CALN1: variants seen among roughly 807,000 people sequenced by gnomAD.
CALN1 encodes the protein calneuron 1.
In CALN1, 17 loss-of-function variants were observed where a neutral mutation model predicts 30.6. That is an observed-to-expected ratio of 0.56 (90% CI 0.38 to 0.83). The LOEUF is 0.83. CALN1 is among the 40% of genes least tolerant of loss of function. The pLI, the probability that CALN1 is intolerant of heterozygous loss-of-function variation, is 0.00. For missense variants in CALN1, 291 were observed against 354.9 expected (o/e 0.82, Z 1.45); for synonymous variants, 156 against 131.4 (o/e 1.19, Z -1.28).
chr7:71,817,951 A>G (rs745949866), intron 5 of CALN1, among the ~76,000 whole-genome samples: 12 of 152,000 alleles, frequency 7.9e-5, no homozygotes, highest in Non-Finnish European at 8.8e-5. Context: ...CTTGTTCTCC[A>G]TAAATTATTC....
At chr7:72,022,283 T>G (rs1800749284) in intron 5 of CALN1, among the ~76,000 whole-genome samples, 1 of 152,146 alleles carries the variant, frequency 6.6e-6, no homozygotes, top group Non-Finnish European at 1.5e-5. Context: ...CAGAGTGAGC[T>G]ACAACTCTGA....
At chr7:72,021,290 A>G (rs976084239) in intron 5 of CALN1, among the ~76,000 whole-genome samples, 14 of 151,954 alleles carry the variant, frequency 9.2e-5, no homozygotes, top group Admixed American at 3.9e-4. Flanking sequence ...TACACAAAAA[A>G]CAAGCAAAAA....
chr7:72,312,878 A>G (rs1472815917), intron 2 of CALN1, among the ~76,000 whole-genome samples: 3 of 151,774 alleles, frequency 2.0e-5, no homozygotes, highest in South Asian at 2.1e-4. Flanking sequence ...TCTGTCGCCC[A>G]GACTGGAGTA....
chr7:72,348,117 T>C (rs900659620), intron 2 of CALN1, among the ~76,000 whole-genome samples: 1 of 152,068 alleles, frequency 6.6e-6, no homozygotes, highest in Non-Finnish European at 1.5e-5. Flanking sequence ...CGAGATTCTG[T>C]CTCAAAGAAA....
At chr7:72,394,259 A>G (rs1443689469) in intron 2 of CALN1, among the ~76,000 whole-genome samples, 1 of 152,162 alleles carries the variant, frequency 6.6e-6, no homozygotes, top group East Asian at 1.9e-4. Flanking sequence ...CTCGTCCTCA[A>G]AAGCCCTTCC....
At chr7:72,336,553 G>C (rs1802053027) in intron 2 of CALN1, among the ~76,000 whole-genome samples, 1 of 152,150 alleles carries the variant, frequency 6.6e-6, no homozygotes, top group South Asian at 2.1e-4. Context: ...ACAGGTACGG[G>C]AGGCGCTGTC....
In CALN1 at chr7:71,799,344, C is replaced by A. The variant is rs115043279; in HGVS notation, c.658+10992G>T. On this transcript the variant is annotated intron_variant, in intron 6 of 6. Coordinates refer to ENST00000395275, the MANE Select transcript of CALN1 (RefSeq NM_031468.4). ...TGCTGGGGAAGGATTTTAAGCCAGG[C>A]TCGTCCTGGGTGCAGAGCTGGAGCT... Among the ~76,000 whole-genome samples, 912 of 152,250 alleles carry A rather than the reference C, an allele frequency of 6.0e-3. 9 individuals are homozygous for A. Among genetic ancestry groups the A allele is most frequent in the African/African-American group, 0.021 (869 of 41,528 alleles).
At chr7:72,484,270 A>AT in the CALN1 span, among the ~76,000 whole-genome samples, 76,894 of 151,002 alleles carry the variant, frequency 0.51, 20,162 homozygotes, top group Non-Finnish European at 0.58. Context: ...AGTATTCTTG[A>AT]TTTTTTTTTC....
intron 5 of CALN1, among the ~76,000 whole-genome samples, chr7:71,914,280 C>T (rs1794577777): frequency 6.6e-6 from 1 of 152,174 alleles, no homozygotes; most frequent in Admixed American, 6.5e-5. Flanking sequence ...ATTTACCTCC[C>T]ACTTATAAGT....
At chr7:72,405,327 C>T (rs1201567287) in intron 1 of CALN1, among the ~76,000 whole-genome samples, 1 of 152,236 alleles carries the variant, frequency 6.6e-6, no homozygotes, top group Non-Finnish European at 1.5e-5. Flanking sequence ...GATGCGTGCT[C>T]ACAGACCAGC....
At chr7:72,383,657 A>G (rs1195421462) in intron 2 of CALN1, among the ~76,000 whole-genome samples, 1 of 152,132 alleles carries the variant, frequency 6.6e-6, no homozygotes, top group Non-Finnish European at 1.5e-5. Context: ...CTTACCTCTA[A>G]GGAAGTGTTC....
intron 4 of CALN1, among the ~76,000 whole-genome samples, chr7:72,037,358 G>A (rs1414999893): frequency 6.6e-6 from 1 of 152,008 alleles, no homozygotes; most frequent in Non-Finnish European, 1.5e-5. Flanking sequence ...CACTGTGTTA[G>A]CCAGGATGGT....
intron 5 of CALN1, among the ~76,000 whole-genome samples, chr7:71,934,136 G>A (rs1795706982): frequency 6.6e-6 from 1 of 152,168 alleles, no homozygotes; most frequent in Non-Finnish European, 1.5e-5. Context: ...AGGGCTGCAG[G>A]CTGGAACTGG....
intron 5 of CALN1, among the ~76,000 whole-genome samples, chr7:71,888,747 G>A (rs1370606618): frequency 6.6e-6 from 1 of 152,072 alleles, no homozygotes; most frequent in Non-Finnish European, 1.5e-5. Flanking sequence ...TGAGGAAGTG[G>A]AAAGGAGGTG....
chr7:72,175,582 C>G (rs1562691418), intron 3 of CALN1, among the ~76,000 whole-genome samples: 1 of 152,208 alleles, frequency 6.6e-6, no homozygotes, highest in East Asian at 1.9e-4. Context: ...GGATAGAGAA[C>G]AATTTCCTAA....
intron 2 of CALN1, among the ~76,000 whole-genome samples, chr7:72,347,307 C>T (rs1449621599): frequency 6.6e-6 from 1 of 151,468 alleles, no homozygotes; most frequent in East Asian, 1.9e-4. Flanking sequence ...GAGTGCAATG[C>T]CGTGATCTCA....
At chr7:72,325,926 G>A (rs1801245987) in intron 2 of CALN1, among the ~76,000 whole-genome samples, 1 of 152,176 alleles carries the variant, frequency 6.6e-6, no homozygotes, top group African/African-American at 2.4e-5. Context: ...TTAGAAGACA[G>A]GGTCTTGTTC....
At position 72,243,296 on chromosome 7, in the gene CALN1, G is replaced by A. The variant is rs1330401897; in HGVS notation, c.244+35390C>T. The stretch of plus-strand genomic sequence containing the variant: ...GCCCTCAAGAACTGAATCAGCTGCC[G>A]TCTTTAATCTAGACTTCCTAGCCCT... On this transcript the variant is annotated intron_variant, in intron 3 of 6. Transcript: ENST00000395275. Among the ~76,000 whole-genome samples, 9 of 152,184 alleles carry A rather than the reference G, an allele frequency of 5.9e-5. No individual in the cohort carries two copies. In the South Asian group the frequency reaches 1.0e-3, roughly 17 times the overall value.
chr7:72,241,498 G>A (rs1794827976), intron 3 of CALN1, among the ~76,000 whole-genome samples: 1 of 152,270 alleles, frequency 6.6e-6, no homozygotes, highest in South Asian at 2.1e-4. Context: ...CCTGAGGTCA[G>A]GAGTTCGAGA....
Sources: allele counts gnomAD v4.1 joint callset (sites outside exome capture counted in the v4.1 genomes callset), GRCh38; gene constraint gnomAD v4.1.1; transcripts MANE v1.5; gene names NCBI Gene and HGNC (gene_info 2026-07-23, HGNC 2026-07-21).